Variants in SH3RF2 observed in about 807,000 individuals in gnomAD.
SH3RF2 encodes E3 ubiquitin-protein ligase SH3RF2.
A neutral mutation model predicts 59.0 loss-of-function variants in SH3RF2; 43 were observed. That is an observed-to-expected ratio of 0.73 (90% CI 0.57 to 0.94). The LOEUF (loss-of-function observed/expected upper bound fraction) is 0.94, where lower values mean the gene tolerates loss of function less well. Among genes scored for constraint, SH3RF2 ranks in the 40% least tolerant of loss-of-function variants. SH3RF2 has a pLI of 0.00. For synonymous variants in SH3RF2, 391 were observed against 391.5 expected (o/e 1.00, Z 0.01); for missense variants, 930 against 940.1 (o/e 0.99, Z 0.14).
intron 5 of SH3RF2, among the ~76,000 whole-genome samples, chr5:146,020,116 G>A (rs758253832): frequency 6.6e-6 from 1 of 152,100 alleles, no homozygotes; most frequent in Non-Finnish European, 1.5e-5. Context: ...TGACTGTGCT[G>A]GCTAGGAATT....
At position 146,000,123 on chromosome 5, in the gene SH3RF2, G is replaced by A; in HGVS notation, c.444G>A (p.Lys148=). ...ATCCCGGTGACCTAAGGTTTAATAAGGGAGATATCATCCTTCTCCGGAGAC... is the reference window on the plus strand; with the variant it reads ...ATCCCGGTGACCTAAGGTTTAATAAAGGAGATATCATCCTTCTCCGGAGAC... The part of the protein sequence containing the change: ...GQNPGDLRFN[K]GDIILLRRQL... The change falls in exon 3 of 10, where the codon AAG becomes AAA. Residue 148 remains lysine (K), a synonymous_variant. Coordinates refer to ENST00000359120, the MANE Select transcript of SH3RF2 (RefSeq NM_152550.4). The A allele has an allele frequency of 6.2e-7, 1 of 1,613,868 alleles. No homozygotes were observed. Among genetic ancestry groups the A allele is most frequent in the Non-Finnish European group, 8.5e-7 (1 of 1,179,870 alleles).
At chr5:146,008,161 TG>T (rs1760723483) in intron 4 of SH3RF2, among the ~76,000 whole-genome samples, 1 of 152,244 alleles carries the variant, frequency 6.6e-6, no homozygotes, top group Non-Finnish European at 1.5e-5. Context: ...GGAGCCTGCC[TG>T]GGTTATATGA....
chr5:146,000,374 C>T (rs746562894), intron 3 of SH3RF2, 47 bp downstream of exon 3: 3 of 1,557,716 alleles, frequency 1.9e-6, no homozygotes, highest in Non-Finnish European at 2.6e-6. Flanking sequence ...CACGTAGAGA[C>T]CATAGCAGAA....
At chr5:145,975,334 G>C (rs148674382) in intron 2 of SH3RF2, among the ~76,000 whole-genome samples, 3 of 152,196 alleles carry the variant, frequency 2.0e-5, no homozygotes, top group African/African-American at 4.8e-5. Flanking sequence ...CTCTAAGAAG[G>C]CTGGCTGAAC....
Position 146,062,683 on chromosome 5 carries a change from C to A in SH3RF2, c.2172C>A (p.Thr724=), listed in dbSNP as rs145263178. 6.2e-7 allele frequency: 1 copy of A among 1,612,966 alleles called. No homozygotes were observed. The highest frequency in any genetic ancestry group is 8.5e-7 in the Non-Finnish European group (1 of 1,179,126). Residue 724 remains threonine (T), a synonymous_variant, in exon 10 of 10, where the codon ACC becomes ACA. Coordinates refer to ENST00000359120, the MANE Select transcript of SH3RF2 (RefSeq NM_152550.4). Reference sequence around the variant, plus strand: ...TGTCCACTGCCTCAGGCACGCAGACCGTGTTTCCCAGCAAATGAACCTACG... The same window carrying A: ...TGTCCACTGCCTCAGGCACGCAGACAGTGTTTCCCAGCAAATGAACCTACG... ...TLVSTASGTQ[T]VFPSK is the part of the protein sequence containing the mutation.
chr5:146,036,368 A>G (rs1026909858), intron 5 of SH3RF2, among the ~76,000 whole-genome samples: 9 of 152,326 alleles, frequency 5.9e-5, no homozygotes, highest in African/African-American at 1.2e-4. Context: ...CCTGGGCAAC[A>G]TAGTGAGACA....
At chr5:146,028,207 C>G (rs62392663) in intron 5 of SH3RF2, among the ~76,000 whole-genome samples, 44,073 of 143,232 alleles carry the variant, frequency 0.31, 7,825 homozygotes, top group Non-Finnish European at 0.39. Context: ...CACACACACA[C>G]ACAGAGATAA....
Position 146,062,729 on chromosome 5 carries a change from A to G in SH3RF2, c.*28A>G, listed in dbSNP as rs1762947177. 6.3e-7 allele frequency: 1 copy of G among 1,597,546 alleles called. No individual in the cohort carries two copies. Among genetic ancestry groups the G allele is most frequent in the Non-Finnish European group, 8.5e-7 (1 of 1,170,204 alleles). On this transcript the variant is annotated 3_prime_UTR_variant, in exon 10 of 10. Coordinates refer to ENST00000359120, the MANE Select transcript of SH3RF2 (RefSeq NM_152550.4). The stretch of plus-strand genomic sequence containing the variant: ...CTACGGGTGGCTTTTCCTAGACCCC[A>G]AAGAGGTGAATTGCATTTAAATACA...
intron 2 of SH3RF2, among the ~76,000 whole-genome samples, chr5:145,941,307 C>T (rs531737042): frequency 1.2e-4 from 18 of 152,170 alleles, no homozygotes; most frequent in Non-Finnish European, 2.5e-4. Context: ...AATAGTCACA[C>T]CTCATGGTGC....
At position 146,062,916 on chromosome 5, in the gene SH3RF2, T is replaced by C; in HGVS notation, c.*215T>C. On this transcript the variant is annotated 3_prime_UTR_variant, in exon 10 of 10. Coordinates refer to ENST00000359120, the MANE Select transcript of SH3RF2 (RefSeq NM_152550.4). Reference sequence around the variant, plus strand: ...TTCCAAACATACAAACATAATGATTTGATGCCACAAAGCTCGCTTACTCAG... The same window carrying C: ...TTCCAAACATACAAACATAATGATTCGATGCCACAAAGCTCGCTTACTCAG... The C allele has an allele frequency of 1.6e-6, 1 of 632,920 alleles. No individual in the cohort carries two copies. The highest frequency in any genetic ancestry group is 2.7e-6 in the Non-Finnish European group (1 of 375,618). 39.2% of individuals were successfully genotyped at this position (632,920 alleles called of 1,614,324 possible). A position where few individuals can be genotyped will look rare whatever the true frequency, so the allele number is the denominator to read the frequency against.
At chr5:146,075,275 C>T (rs770945247) in intron 9 of SH3RF2, among the ~76,000 whole-genome samples, 3 of 152,196 alleles carry the variant, frequency 2.0e-5, no homozygotes, top group Non-Finnish European at 2.9e-5. Flanking sequence ...TTATAGAGCA[C>T]CTGCTATGTG....
At chr5:145,970,996 A>G (rs1759058394) in intron 2 of SH3RF2, among the ~76,000 whole-genome samples, 2 of 152,192 alleles carry the variant, frequency 1.3e-5, no homozygotes, top group Admixed American at 6.5e-5. Context: ...CATAAGTAAT[A>G]TTAATGGGAA....
At chr5:145,965,443 A>G (rs1758821169) in intron 2 of SH3RF2, among the ~76,000 whole-genome samples, 1 of 152,082 alleles carries the variant, frequency 6.6e-6, no homozygotes, top group African/African-American at 2.4e-5. Flanking sequence ...GTTCGGAGCC[A>G]TCATCTTTTT....
At chr5:146,076,504 T>A (rs1256679311) in intron 9 of SH3RF2, among the ~76,000 whole-genome samples, 2 of 152,202 alleles carry the variant, frequency 1.3e-5, no homozygotes, top group African/African-American at 4.8e-5. Flanking sequence ...CAGTGGTATG[T>A]AGTGAAGACA....
At chr5:146,049,770 C>A (rs150450677) in intron 7 of SH3RF2, among the ~76,000 whole-genome samples, 2 of 152,208 alleles carry the variant, frequency 1.3e-5, no homozygotes, top group Admixed American at 6.5e-5. Flanking sequence ...TGCTAGTAAC[C>A]CTGCAGGGCC....
Position 146,062,548 on chromosome 5 carries a change from G to A in SH3RF2, c.2037G>A (p.Ala679=), listed in dbSNP as rs201984076. ...TCAAGGCGTCCCAGCCTGAAGCAGC[G>A]TCCTTGGGCCCAGAGATGACCGTCC... ...ATLKASQPEA[A]SLGPEMTVLF... is the part of the protein sequence containing the mutation. The change falls in exon 10 of 10, where the codon GCG becomes GCA. Residue 679 remains alanine (A), a synonymous_variant. Transcript: ENST00000359120. 183 of 1,614,110 alleles carry A rather than the reference G, an allele frequency of 1.1e-4. 5 individuals carry two copies. In the South Asian group the frequency reaches 1.2e-3, roughly 10 times the overall value.
chr5:146,013,726 T>C lies in SH3RF2; in HGVS notation c.745-21T>C, dbSNP rs777460066. ...TTAGATCAGGAAGACAAACTTCTCA[T>C]TGGACCTTTTGTCTTTTCAGCCAAA... On this transcript the variant is annotated intron_variant, in intron 4 of 9. Coordinates refer to ENST00000359120, the MANE Select transcript of SH3RF2 (RefSeq NM_152550.4). 6.5e-5 allele frequency: 105 copies of C among 1,612,178 alleles called. No homozygotes were observed. In the South Asian group the frequency reaches 1.1e-3, roughly 17 times the overall value.
intron 5 of SH3RF2, among the ~76,000 whole-genome samples, chr5:146,020,067 C>A (rs1194489534): frequency 6.6e-6 from 1 of 152,108 alleles, no homozygotes; most frequent in Non-Finnish European, 1.5e-5. Context: ...TTGACTTCTT[C>A]TTTTCTAATT....
chr5:146,066,860 G>A (rs558692680), downstream of SH3RF2, among the ~76,000 whole-genome samples: 1 of 152,322 alleles, frequency 6.6e-6, no homozygotes, highest in East Asian at 1.9e-4. Flanking sequence ...CTAAGGTTCA[G>A]ACAGTACCTA....
Sources: gnomAD v4.1 joint callset for allele counts (sites outside exome capture counted in the v4.1 genomes callset) on GRCh38, gnomAD v4.1.1 for gene constraint, MANE v1.5 for transcripts, NCBI Gene and HGNC (gene_info 2026-07-23, HGNC 2026-07-21) for gene names.